CACNA1H: variants seen among roughly 807,000 people sequenced by gnomAD.
CACNA1H encodes the protein calcium voltage-gated channel subunit alpha1 H.
Under a neutral mutation model 192.5 loss-of-function variants are expected in CACNA1H, and 149 were observed. That is an observed-to-expected ratio of 0.77 (90% confidence interval 0.68 to 0.89). CACNA1H has a LOEUF of 0.89. Among genes scored for constraint, CACNA1H ranks in the 40% least tolerant of loss-of-function variants. The pLI is 0.00. For missense variants in CACNA1H, 4,257 were observed against 3,423.5 expected, an observed-to-expected ratio of 1.24 and a Z score of -6.08; for synonymous variants, 2,202 against 1,475.2, an observed-to-expected ratio of 1.49 and a Z score of -11.29.
At chr16:1,211,328 C>T (rs754412439) in intron 22 of CACNA1H, 34 bp downstream of exon 22, 15 of 1,611,776 alleles carry the variant, frequency 9.3e-6, no homozygotes, top group African/African-American at 2.7e-5. Context: ...GGGTCTGCCC[C>T]GTCGCAGACA....
intron 2 of CACNA1H, among the ~76,000 whole-genome samples, chr16:1,159,287 T>C (rs1013668771): frequency 6.6e-6 from 1 of 151,304 alleles, no homozygotes; most frequent in Non-Finnish European, 1.5e-5. Context: ...AGGGGCAGAG[T>C]CCATGAGCCC....
chr16:1,190,981 T>C (rs1407376299), intron 2 of CACNA1H, among the ~76,000 whole-genome samples: 9 of 146,350 alleles, frequency 6.1e-5, no homozygotes, highest in African/African-American at 2.4e-4. Context: ...ACTCGGGGTT[T>C]CGGTGACCCA....
intron 2 of CACNA1H, among the ~76,000 whole-genome samples, chr16:1,177,204 G>C (rs528216956): frequency 6.6e-6 from 1 of 152,166 alleles, no homozygotes; most frequent in South Asian, 2.1e-4. Flanking sequence ...AAGTGACACA[G>C]GCTGGATGGA....
intron 2 of CACNA1H, among the ~76,000 whole-genome samples, chr16:1,165,370 G>A (rs937214685): frequency 6.6e-6 from 1 of 152,198 alleles, no homozygotes; most frequent in East Asian, 1.9e-4. Context: ...CCCGGGCCAC[G>A]CTCTTTCGTG....
At chr16:1,172,818 G>A (rs1964502538) in intron 2 of CACNA1H, among the ~76,000 whole-genome samples, 1 of 152,234 alleles carries the variant, frequency 6.6e-6, no homozygotes, top group East Asian at 1.9e-4. Context: ...GCCCAGGGCT[G>A]TGGGCTGGGA....
chr16:1,183,813 C>G (rs1965716340), intron 2 of CACNA1H, among the ~76,000 whole-genome samples: 1 of 152,266 alleles, frequency 6.6e-6, no homozygotes, highest in Non-Finnish European at 1.5e-5. Flanking sequence ...CCAGTGGGGT[C>G]TGTCCCGTCC....
rs370831984 is a variant in CACNA1H at position 1,210,663 on chromosome 16, C to T, written c.4038+12C>T. The T allele has an allele frequency of 7.6e-4, 1,213 of 1,600,198 alleles. 5 individuals are homozygous for T. The African/African-American group carries it at 0.012, about 16-fold the overall frequency. On this transcript the variant is annotated intron_variant, in intron 20 of 34. Transcript: ENST00000348261. ...AGATGATGGTGAAGGTACCGCGGGG[C>T]CCGGGGACTGCCCTTGTTCCCAGGT...
At chr16:1,172,434 C>T (rs943373858) in intron 2 of CACNA1H, among the ~76,000 whole-genome samples, 11 of 152,244 alleles carry the variant, frequency 7.2e-5, no homozygotes, top group African/African-American at 2.4e-4. Flanking sequence ...CGCGGCTGCC[C>T]TCACCCTGCC....
intron 10 of CACNA1H, among the ~76,000 whole-genome samples, chr16:1,204,762 G>T (rs1447653533): frequency 2.2e-5 from 3 of 136,644 alleles, no homozygotes; most frequent in Middle Eastern, 8.3e-3. Flanking sequence ...ATCAGTGCCG[G>T]GGAGGGGTGG....
At chr16:1,203,901 C>A (rs1017338820) in intron 9 of CACNA1H, 109 bp from the exon 10 acceptor site, 3 of 777,246 alleles carry the variant, frequency 3.9e-6, no homozygotes, top group Non-Finnish European at 6.0e-6. Flanking sequence ...CTGGATGGAT[C>A]TTTCTGGGGG....
chr16:1,216,906 C>T, intron 30 of CACNA1H, 26 bp from the exon 31 acceptor site: 1 of 1,583,616 alleles, frequency 6.3e-7, no homozygotes, highest in Non-Finnish European at 8.6e-7. Context: ...GCCCGTCTGA[C>T]CCAGCTCTGC....
In CACNA1H at chr16:1,211,592, G is replaced by A; in HGVS notation, c.4462G>A (p.Asp1488Asn). The change falls in exon 23 of 35, where the codon GAC becomes AAC. Residue 1488 changes from aspartate (D) to asparagine (N), a missense_variant. Asp to Asn is a conservative substitution (Grantham distance 23, BLOSUM62 1). Coordinates refer to ENST00000348261, the MANE Select transcript of CACNA1H (RefSeq NM_021098.3). ...CTGGGTGCGACGCAAGTACAACTTCGACAACCTGGGCCAGGTGGGCTGGGC... is the reference window on the plus strand; with the variant it reads ...CTGGGTGCGACGCAAGTACAACTTCAACAACCTGGGCCAGGTGGGCTGGGC... ...YRWVRRKYNF[D>N]NLGQALMSLF... 2.5e-6 allele frequency: 4 copies of A among 1,609,918 alleles called. No individual in the cohort carries two copies. Among genetic ancestry groups the A allele is most frequent in the Non-Finnish European group, 3.4e-6 (4 of 1,178,572 alleles).
intron 14 of CACNA1H, 36 bp from the exon 15 acceptor site, chr16:1,207,734 G>C (rs1968911374): frequency 6.5e-7 from 1 of 1,543,022 alleles, no homozygotes. Flanking sequence ...CACTCACGGG[G>C]CCCCTCATGC....
At chr16:1,197,050 A>G (rs1044340897) in intron 5 of CACNA1H, among the ~76,000 whole-genome samples, 1 of 152,062 alleles carries the variant, frequency 6.6e-6, no homozygotes, top group Admixed American at 6.5e-5. Flanking sequence ...ACAGACCCCC[A>G]AGGCTAGGCA....
intron 30 of CACNA1H, among the ~76,000 whole-genome samples, 179 bp from the exon 31 acceptor site, chr16:1,216,753 G>A (rs1284607929): frequency 1.3e-5 from 2 of 152,100 alleles, no homozygotes; most frequent in East Asian, 3.9e-4. Context: ...GGGGCATGGG[G>A]CTGAGGAACA....
intron 2 of CACNA1H, among the ~76,000 whole-genome samples, chr16:1,164,575 C>T (rs1244460159): frequency 6.6e-6 from 1 of 152,242 alleles, no homozygotes; most frequent in Admixed American, 6.5e-5. Context: ...GCAGCGTGGG[C>T]ACAGGGGCGA....
intron 2 of CACNA1H, among the ~76,000 whole-genome samples, chr16:1,171,176 G>A (rs1964332164): frequency 6.6e-6 from 1 of 152,108 alleles, no homozygotes; most frequent in African/African-American, 2.4e-5. Flanking sequence ...AGCCCTGGAA[G>A]TCCCTGCCCT....
rs781340322 is a variant in CACNA1H, at chr16:1,210,093, G to C, written c.3803G>C (p.Ser1268Thr). The C allele has an allele frequency of 6.4e-7, 1 of 1,559,928 alleles. No homozygotes were observed. The highest frequency in any genetic ancestry group is 8.7e-7 in the Non-Finnish European group (1 of 1,152,816). ...CCCTACAAGCCCCAGTGGTGCCGGA[G>C]CCGCGAGGCCTGGGCCCTCTACCTC... The part of the protein sequence containing the change: ...LEPYKPQWCR[S>T]REAWALYLFS... Residue 1268 changes from serine (S) to threonine (T), a missense_variant, in exon 18 of 35, where the codon AGC becomes ACC. Coordinates refer to ENST00000348261, the MANE Select transcript of CACNA1H (RefSeq NM_021098.3).
intron 2 of CACNA1H, among the ~76,000 whole-genome samples, chr16:1,171,279 G>T (rs1049337710): frequency 3.3e-5 from 5 of 152,168 alleles, no homozygotes; most frequent in African/African-American, 1.2e-4. Flanking sequence ...CTCCTGGGCG[G>T]GCTGGGCGTC....
Sources: allele counts gnomAD v4.1 joint callset (sites outside exome capture counted in the v4.1 genomes callset), GRCh38; gene constraint gnomAD v4.1.1; transcripts MANE v1.5; gene names NCBI Gene and HGNC (gene_info 2026-07-23, HGNC 2026-07-21).